TENM2: variants seen among roughly 807,000 people sequenced by gnomAD.
TENM2 encodes the protein teneurin transmembrane protein 2.
Under a neutral mutation model 245.2 loss-of-function variants are expected in TENM2, and 52 were observed. The ratio of observed to expected loss-of-function variants is 0.21; its 90% CI spans 0.17 to 0.27. The LOEUF (loss-of-function observed/expected upper bound fraction) is 0.27. Ranked by LOEUF, TENM2 falls within the 10% of genes least tolerant of loss-of-function variation. TENM2 has a pLI of 1.00. For missense variants in TENM2, 3,046 were observed against 3,666.8 expected, an observed-to-expected ratio of 0.83 and a Z score of 4.37; for synonymous variants, 1,363 against 1,438.9, an observed-to-expected ratio of 0.95 and a Z score of 1.19.
At chr5:167,731,070 C>T (rs1365129842) in intron 2 of TENM2, among the ~76,000 whole-genome samples, 1 of 152,014 alleles carries the variant, frequency 6.6e-6, no homozygotes, top group Non-Finnish European at 1.5e-5. Context: ...CCTTAGTTTC[C>T]ATGAACAAGG....
chr5:168,151,927 G>T (rs1756688351), intron 12 of TENM2, among the ~76,000 whole-genome samples: 1 of 152,132 alleles, frequency 6.6e-6, no homozygotes, highest in African/African-American at 2.4e-5. Flanking sequence ...CTGCCTCTTG[G>T]GGCACAAGAT....
chr5:167,858,203 A>G (rs1771269240), intron 2 of TENM2, among the ~76,000 whole-genome samples: 1 of 152,246 alleles, frequency 6.6e-6, no homozygotes, highest in Non-Finnish European at 1.5e-5. Context: ...AACTGCAGAG[A>G]CTGGGAAGAA....
chr5:167,357,378 G>T (rs1170999050), intron 1 of TENM2, among the ~76,000 whole-genome samples: 3 of 151,280 alleles, frequency 2.0e-5, no homozygotes, highest in Non-Finnish European at 4.4e-5. Flanking sequence ...CGCCTCCCAG[G>T]TTCAAGCGAT....
At chr5:167,718,878 T>C (rs951524017) in intron 2 of TENM2, among the ~76,000 whole-genome samples, 2 of 152,252 alleles carry the variant, frequency 1.3e-5, no homozygotes, top group East Asian at 3.9e-4. Flanking sequence ...ATGATACTAC[T>C]GCCCATTTTT....
chr5:167,441,074 G>T (rs1764853926), intron 2 of TENM2, among the ~76,000 whole-genome samples: 1 of 152,164 alleles, frequency 6.6e-6, no homozygotes, highest in Non-Finnish European at 1.5e-5. Context: ...GTAATGGAGA[G>T]CAGGCTGCGT....
intron 13 of TENM2, among the ~76,000 whole-genome samples, chr5:168,180,775 G>A (rs762770587): frequency 6.6e-5 from 10 of 151,992 alleles, no homozygotes; most frequent in South Asian, 4.2e-4. Context: ...TGTGGCGGGC[G>A]CCTGTAATGC....
At chr5:167,393,203 TAGA>T (rs796974036) in intron 2 of TENM2, among the ~76,000 whole-genome samples, 6 of 146,480 alleles carry the variant, frequency 4.1e-5, no homozygotes, top group African/African-American at 1.5e-4. Flanking sequence ...AGAGAGAAAA[TAGA>T]AGAGAGGGAG....
intron 3 of TENM2, among the ~76,000 whole-genome samples, chr5:167,940,765 A>G (rs1371006972): frequency 6.6e-6 from 1 of 152,196 alleles, no homozygotes; most frequent in Non-Finnish European, 1.5e-5. Context: ...TACACACCAC[A>G]CAAGTCCCAG....
chr5:167,702,552 G>GTGTGTGTGTATATATA (rs58351767), intron 2 of TENM2, among the ~76,000 whole-genome samples: 11 of 136,780 alleles, frequency 8.0e-5, no homozygotes, highest in Middle Eastern at 3.7e-3. Flanking sequence ...GTGTGTGTGT[G>GTGTGTGTGTATATATA]TATATATATA....
chr5:167,861,592 GC>G (rs993377147), intron 2 of TENM2, among the ~76,000 whole-genome samples: 2 of 152,202 alleles, frequency 1.3e-5, no homozygotes, highest in African/African-American at 4.8e-5. Context: ...GATGGGGCAG[GC>G]TCTGGGGGCA....
At chr5:167,834,271 C>A (rs1768769553) in intron 2 of TENM2, among the ~76,000 whole-genome samples, 2 of 152,226 alleles carry the variant, frequency 1.3e-5, no homozygotes, top group Admixed American at 6.5e-5. Flanking sequence ...CAGGAAGAAG[C>A]CAGCCATGTA....
At chr5:167,401,480 A>G (rs1762363230) in intron 2 of TENM2, among the ~76,000 whole-genome samples, 1 of 152,182 alleles carries the variant, frequency 6.6e-6, no homozygotes, top group African/African-American at 2.4e-5. Context: ...ATTATTATTG[A>G]ACAAGAAGTC....
chr5:167,576,345 T>C (rs1774683630), intron 2 of TENM2, among the ~76,000 whole-genome samples: 1 of 151,070 alleles, frequency 6.6e-6, no homozygotes, highest in East Asian at 1.9e-4. Context: ...TTTTTTTTTT[T>C]ACAGGAAAAA....
At chr5:167,103,962 T>C in the TENM2 span, among the ~76,000 whole-genome samples, 1 of 152,062 alleles carries the variant, frequency 6.6e-6, no homozygotes, top group African/African-American at 2.4e-5. Context: ...CCCTGGAATG[T>C]CTTTCTCCTC....
chr5:168,228,023 C>A, exon 25 of TENM2: 1 of 1,613,844 alleles, frequency 6.2e-7, no homozygotes. Flanking sequence ...CACCATTGGA[C>A]GCTGCAACAT....
chr5:167,931,376 G>A (rs1341471819), intron 3 of TENM2, among the ~76,000 whole-genome samples: 1 of 151,962 alleles, frequency 6.6e-6, no homozygotes, highest in African/African-American at 2.4e-5. Context: ...TATCGGGTTG[G>A]GAAAGCCTAA....
chr5:167,782,485 G>A (rs1034083032), intron 2 of TENM2, among the ~76,000 whole-genome samples: 6 of 152,074 alleles, frequency 3.9e-5, no homozygotes, highest in Non-Finnish European at 7.4e-5. Flanking sequence ...CCCATGTGCA[G>A]CCCTGGGAAG....
the TENM2 span, among the ~76,000 whole-genome samples, chr5:167,257,712 T>C: frequency 3.9e-5 from 6 of 152,100 alleles, no homozygotes; most frequent in Admixed American, 6.6e-5. Context: ...ATAATTTTTT[T>C]CTAAGGTCTG....
At chr5:167,979,910 C>G (rs894873702) in intron 4 of TENM2, among the ~76,000 whole-genome samples, 19 of 152,054 alleles carry the variant, frequency 1.2e-4, no homozygotes, top group African/African-American at 4.6e-4. Context: ...AGGACACTAC[C>G]GGGAAAATAA....
Sources: allele counts gnomAD v4.1 joint callset (sites outside exome capture counted in the v4.1 genomes callset), GRCh38; gene constraint gnomAD v4.1.1; transcripts MANE v1.5; gene names NCBI Gene and HGNC (gene_info 2026-07-23, HGNC 2026-07-21).